The following UNC13C variants were observed in gnomAD, a reference collection of about 807,000 sequenced individuals.
UNC13C encodes protein unc-13 homolog C.
Under a neutral mutation model 245.4 loss-of-function variants are expected in UNC13C, and 174 were observed. The ratio of observed to expected loss-of-function variants is 0.71; its 90% CI spans 0.63 to 0.80. The LOEUF is 0.80. Among genes scored for constraint, UNC13C ranks in the 30% least tolerant of loss-of-function variants. The probability of loss-of-function intolerance (pLI) is 0.00; values close to 1 mark genes in which losing one functional copy is unlikely to be tolerated. For synonymous variants in UNC13C, 992 were observed against 895.1 expected, an observed-to-expected ratio of 1.11 and a Z score of -1.93; for missense variants, 2,829 against 2,602.9, an observed-to-expected ratio of 1.09 and a Z score of -1.89.
chr15:54,470,777 A>C (rs1892421222), intron 19 of UNC13C, among the ~76,000 whole-genome samples: 1 of 150,654 alleles, frequency 6.6e-6, no homozygotes, highest in Non-Finnish European at 1.5e-5. Flanking sequence ...TGTTTCCTTC[A>C]TTCTGCTAAT....
intron 18 of UNC13C, among the ~76,000 whole-genome samples, chr15:54,394,124 A>C (rs1042898167): frequency 2.0e-5 from 3 of 151,902 alleles, no homozygotes; most frequent in Non-Finnish European, 4.4e-5. Context: ...CAAGACCGTT[A>C]GGGTCATTGT....
chr15:54,203,967 A>G (rs1202355525), intron 4 of UNC13C, among the ~76,000 whole-genome samples: 1 of 151,524 alleles, frequency 6.6e-6, no homozygotes, highest in African/African-American at 2.4e-5. Context: ...ACTCAGTCAT[A>G]AAAAGGAACA....
intron 8 of UNC13C, among the ~76,000 whole-genome samples, chr15:54,260,245 T>G (rs528849294): frequency 6.6e-6 from 1 of 152,264 alleles, no homozygotes; most frequent in East Asian, 1.9e-4. Context: ...GAATCAGCTG[T>G]TAGAAATATT....
At chr15:54,242,671 T>C (rs1460255141) in intron 7 of UNC13C, among the ~76,000 whole-genome samples, 1 of 152,178 alleles carries the variant, frequency 6.6e-6, no homozygotes, top group African/African-American at 2.4e-5. Flanking sequence ...GTTATAGAGT[T>C]GAACATATAG....
At chr15:54,076,681 GA>G (rs1476853713) in intron 2 of UNC13C, among the ~76,000 whole-genome samples, 9 of 152,152 alleles carry the variant, frequency 5.9e-5, no homozygotes, top group Non-Finnish European at 1.5e-5. Flanking sequence ...TTCTGCATAA[GA>G]AAACTAGAAA....
intron 26 of UNC13C, among the ~76,000 whole-genome samples, chr15:54,538,290 A>G (rs537374109): frequency 6.6e-6 from 1 of 152,146 alleles, no homozygotes; most frequent in Non-Finnish European, 1.5e-5. Context: ...CAAAGCCACA[A>G]TGAGATACCA....
intron 30 of UNC13C, among the ~76,000 whole-genome samples, chr15:54,593,838 G>A (rs1033917611): frequency 6.6e-6 from 1 of 152,124 alleles, no homozygotes; most frequent in African/African-American, 2.4e-5. Context: ...GTGAATCAGG[G>A]ATTTCTTCTT....
chr15:54,416,925 G>T (rs1212770171), intron 19 of UNC13C: 1 of 456,400 alleles, frequency 2.2e-6, no homozygotes, highest in Non-Finnish European at 4.4e-6. Context: ...TTGGCCAGCT[G>T]CTCTGATGCC....
the UNC13C span, among the ~76,000 whole-genome samples, chr15:53,944,639 G>A: frequency 2.6e-5 from 4 of 152,202 alleles, no homozygotes; most frequent in African/African-American, 4.8e-5. Flanking sequence ...TGGTATATAC[G>A]TACCACATTT....
In UNC13C at chr15:54,442,436, T is replaced by C. The variant is rs527736830; in HGVS notation, c.4933+27369T>C. On this transcript the variant is annotated intron_variant, in intron 19 of 32. Transcript: ENST00000260323. ...CAGGGTTTCACAATGTTGGCTAGGC[T>C]CGTCTTGAACTCCTAACCTCAGGTG... 8.5e-5 allele frequency among the ~76,000 whole-genome samples: 13 copies of C among 152,072 alleles called. 1 individual carries two copies. In the South Asian group the frequency reaches 2.7e-3, roughly 32 times the overall value.
chr15:54,051,461 TC>T (rs903607815), intron 2 of UNC13C, among the ~76,000 whole-genome samples: 7 of 152,182 alleles, frequency 4.6e-5, no homozygotes, highest in African/African-American at 1.4e-4. Flanking sequence ...CCTAATTTTT[TC>T]CCCACTGCTT....
chr15:53,905,262 T>C, the UNC13C span, among the ~76,000 whole-genome samples: 1 of 152,158 alleles, frequency 6.6e-6, no homozygotes, highest in East Asian at 1.9e-4. Flanking sequence ...CTCATGTTCA[T>C]TGCAGTGTTA....
chr15:54,159,911 C>T (rs996497893), intron 4 of UNC13C, among the ~76,000 whole-genome samples: 1 of 152,118 alleles, frequency 6.6e-6, no homozygotes, highest in Non-Finnish European at 1.5e-5. Context: ...ACATACCTTC[C>T]TCTTCCCTTA....
chr15:54,234,444 A>G (rs758123538), intron 4 of UNC13C, among the ~76,000 whole-genome samples: 1 of 152,176 alleles, frequency 6.6e-6, no homozygotes, highest in African/African-American at 2.4e-5. Flanking sequence ...TATTATTTAA[A>G]GATGCAATAA....
chr15:54,284,999 G>A (rs2037104976), intron 10 of UNC13C, among the ~76,000 whole-genome samples: 1 of 152,040 alleles, frequency 6.6e-6, no homozygotes, highest in Non-Finnish European at 1.5e-5. Flanking sequence ...GTGGTTCAGG[G>A]AAATTAATGT....
chr15:54,497,432 G>A (rs1003470639), intron 20 of UNC13C, among the ~76,000 whole-genome samples: 8 of 152,090 alleles, frequency 5.3e-5, no homozygotes, highest in African/African-American at 1.9e-4. Context: ...GGGCTATGAA[G>A]GCTGCTTGGA....
In UNC13C at chr15:54,175,713, G is replaced by A. The variant is rs188447137; in HGVS notation, c.3071+32029G>A. ...TTTTTAATAGAGACGGGGTTTCACAGCTCCACAGAGAAATACACAGAAACT... is the reference window on the plus strand; with the variant it reads ...TTTTTAATAGAGACGGGGTTTCACAACTCCACAGAGAAATACACAGAAACT... On this transcript the variant is annotated intron_variant, in intron 4 of 32. Transcript: ENST00000260323. 4.2e-3 allele frequency among the ~76,000 whole-genome samples: 632 copies of A among 151,850 alleles called. 6 individuals are homozygous for A. Among genetic ancestry groups the A allele is most frequent in the African/African-American group, 0.015 (610 of 41,376 alleles).
intron 2 of UNC13C, among the ~76,000 whole-genome samples, chr15:54,062,772 C>G (rs950412141): frequency 1.3e-5 from 2 of 152,186 alleles, no homozygotes; most frequent in Admixed American, 6.5e-5. Context: ...GTTCAATAAG[C>G]CCTTCAGGTG....
chr15:54,483,716 G>A (rs5017620), intron 19 of UNC13C, among the ~76,000 whole-genome samples: 62,803 of 151,974 alleles, frequency 0.41, 13,253 homozygotes, highest in East Asian at 0.62. Context: ...CTGCCTCCCA[G>A]GGTGCTGGGA....
Sources: allele counts gnomAD v4.1 joint callset (sites outside exome capture counted in the v4.1 genomes callset), GRCh38; gene constraint gnomAD v4.1.1; transcripts MANE v1.5; gene names NCBI Gene and HGNC (gene_info 2026-07-23, HGNC 2026-07-21).